Variants in TEKT5 observed in about 807,000 individuals in gnomAD.
TEKT5 encodes the protein tektin 5, also known as tektin-5.
Under a neutral mutation model 48.7 loss-of-function variants are expected in TEKT5, and 52 were observed. The ratio of observed to expected loss-of-function variants is 1.07; its 90% CI spans 0.86 to 1.35. TEKT5 has a LOEUF of 1.35. Ranked by LOEUF, TEKT5 falls within the 40% of genes most tolerant of loss-of-function variation. The pLI is 0.00. For missense variants in TEKT5, 831 were observed against 641.6 expected (o/e 1.30, Z -3.19); for synonymous variants, 318 against 267.6 (o/e 1.19, Z -1.84).
intron 5 of TEKT5, among the ~76,000 whole-genome samples, chr16:10,647,511 G>A (rs930058613): frequency 2.7e-5 from 4 of 149,008 alleles, no homozygotes; most frequent in South Asian, 2.1e-4. Flanking sequence ...TGTGGTACGC[G>A]CCTTCCTGGC....
At chr16:10,672,260 T>TA (rs997979572) in intron 5 of TEKT5, among the ~76,000 whole-genome samples, 36 of 151,352 alleles carry the variant, frequency 2.4e-4, no homozygotes, top group East Asian at 2.1e-3. Flanking sequence ...CTTCATTCTT[T>TA]AAAAAAAAAC....
intron 6 of TEKT5, among the ~76,000 whole-genome samples, chr16:10,631,592 G>A (rs982994978): frequency 6.6e-6 from 1 of 152,136 alleles, no homozygotes; most frequent in African/African-American, 2.4e-5. Context: ...CAGCTGTAAT[G>A]AAGTTTAGGA....
chr16:10,639,386 A>G (rs373698614), intron 5 of TEKT5, among the ~76,000 whole-genome samples: 1 of 152,342 alleles, frequency 6.6e-6, no homozygotes, highest in Admixed American at 6.5e-5. Flanking sequence ...CACACCAGAG[A>G]CAGATTGGGA....
Position 10,689,309 on chromosome 16 carries a change from T to C in TEKT5, c.663A>G (p.Leu221=). The C allele has an allele frequency of 1.2e-6, 2 of 1,613,672 alleles. No homozygotes were observed. Residue 221 remains leucine (L), a synonymous_variant, in exon 3 of 7, where the codon CTA becomes CTG. Transcript: ENST00000283025. ...TTCTCATCTGTTCTTGGCAACATTT[T>C]AGCAAATCCACTTCCTGAAATGAAA... ...EKNLIREVDL[L]KCCQEQMRKL... is the part of the protein sequence containing the mutation.
At chr16:10,673,782 C>T (rs1429316673) in intron 5 of TEKT5, among the ~76,000 whole-genome samples, 1 of 151,154 alleles carries the variant, frequency 6.6e-6, no homozygotes. Context: ...TCCCGAGTAG[C>T]TGGAATTACA....
At chr16:10,649,718 G>C (rs1461252053) in intron 5 of TEKT5, among the ~76,000 whole-genome samples, 2 of 152,204 alleles carry the variant, frequency 1.3e-5, no homozygotes, top group Non-Finnish European at 2.9e-5. Context: ...TTACAAGTAT[G>C]AGCCACTGCA....
chr16:10,662,707 C>A (rs1218565626), intron 5 of TEKT5, among the ~76,000 whole-genome samples: 1 of 152,192 alleles, frequency 6.6e-6, no homozygotes, highest in Non-Finnish European at 1.5e-5. Context: ...CTGGCCCCAG[C>A]CAGTTGCACC....
intron 5 of TEKT5, among the ~76,000 whole-genome samples, chr16:10,652,836 GAC>G (rs572998899): frequency 0.043 from 840 of 19,462 alleles, 22 homozygotes; most frequent in African/African-American, 0.13. Flanking sequence ...TACACAGGCA[GAC>G]ACACACACAC....
At chr16:10,644,448 C>T (rs1245505528) in intron 5 of TEKT5, among the ~76,000 whole-genome samples, 6 of 152,198 alleles carry the variant, frequency 3.9e-5, no homozygotes, top group Admixed American at 1.3e-4. Flanking sequence ...GAGCCCTACA[C>T]ACTTACTGCA....
intron 5 of TEKT5, among the ~76,000 whole-genome samples, chr16:10,637,734 A>G (rs1897936352): frequency 6.6e-6 from 1 of 152,272 alleles, no homozygotes; most frequent in African/African-American, 2.4e-5. Flanking sequence ...AGAAAATACA[A>G]TGAAAATCAG....
chr16:10,687,772 T>C (rs1399409849), intron 3 of TEKT5, among the ~76,000 whole-genome samples: 1 of 152,204 alleles, frequency 6.6e-6, no homozygotes, highest in East Asian at 1.9e-4. Context: ...AATAAACAAA[T>C]AAATATGAAC....
chr16:10,637,586 G>T (rs1002446359), intron 5 of TEKT5, among the ~76,000 whole-genome samples: 2 of 151,252 alleles, frequency 1.3e-5, no homozygotes, highest in Admixed American at 6.6e-5. Context: ...CAGATCTCAG[G>T]GAGGGGCAGG....
intron 5 of TEKT5, among the ~76,000 whole-genome samples, chr16:10,652,451 AACACACACAC>A (rs572277672): frequency 4.9e-4 from 33 of 66,762 alleles, no homozygotes; most frequent in South Asian, 6.8e-4. Context: ...TACACAGGCA[AACACACACAC>A]ACACACACAC....
chr16:10,688,791 T>G (rs1185845352), intron 3 of TEKT5, among the ~76,000 whole-genome samples: 4 of 152,216 alleles, frequency 2.6e-5, no homozygotes, highest in African/African-American at 2.4e-5. Flanking sequence ...TCTGGCTCAA[T>G]GCGTCCACCA....
chr16:10,631,299 A>G (rs1897837630), intron 6 of TEKT5, among the ~76,000 whole-genome samples: 1 of 133,302 alleles, frequency 7.5e-6, no homozygotes. Flanking sequence ...AGAAAAGCAC[A>G]TGCAAAATTA....
intron 5 of TEKT5, among the ~76,000 whole-genome samples, chr16:10,656,077 G>A (rs923801876): frequency 6.6e-6 from 1 of 151,982 alleles, no homozygotes; most frequent in Non-Finnish European, 1.5e-5. Context: ...AAAATTTGTG[G>A]AGGAGACCGT....
At chr16:10,654,007 TGTGTGTGC>T in intron 5 of TEKT5, among the ~76,000 whole-genome samples, 1 of 139,834 alleles carries the variant, frequency 7.2e-6, no homozygotes, top group Non-Finnish European at 1.5e-5. Context: ...AACGTGTGTG[TGTGTGTGC>T]ATGTGTGTGT....
At chr16:10,629,089 G>C (rs1444724681) in intron 6 of TEKT5, among the ~76,000 whole-genome samples, 1 of 152,098 alleles carries the variant, frequency 6.6e-6, no homozygotes, top group African/African-American at 2.4e-5. Flanking sequence ...GGCTTCCAGA[G>C]GTCAGGCGGT....
At chr16:10,649,876 G>A (rs1567227550) in intron 5 of TEKT5, among the ~76,000 whole-genome samples, 1 of 152,124 alleles carries the variant, frequency 6.6e-6, no homozygotes, top group Admixed American at 6.6e-5. Context: ...AGAGAGAATT[G>A]AAGCAGAGCT....
Sources: allele counts gnomAD v4.1 joint callset (sites outside exome capture counted in the v4.1 genomes callset), GRCh38; gene constraint gnomAD v4.1.1; transcripts MANE v1.5; gene names NCBI Gene and HGNC (gene_info 2026-07-23, HGNC 2026-07-21).